The following CSMD3 variants were observed in gnomAD, a reference collection of about 807,000 sequenced individuals.
CSMD3 encodes the protein CUB and sushi domain-containing protein 3.
CSMD3 carries 177 observed loss-of-function variants against 435.2 expected under a neutral mutation model. That is an observed-to-expected ratio of 0.41 (90% CI 0.36 to 0.46). The LOEUF (loss-of-function observed/expected upper bound fraction) is 0.46. Among genes scored for constraint, CSMD3 ranks in the 20% least tolerant of loss-of-function variants. The probability of loss-of-function intolerance (pLI) is 0.34; values close to 1 mark genes in which losing one functional copy is unlikely to be tolerated. For synonymous variants in CSMD3, 1,656 were observed against 1,520.5 expected (o/e 1.09, Z -2.07); for missense variants, 4,265 against 4,504.6 (o/e 0.95, Z 1.52).
intron 5 of CSMD3, among the ~76,000 whole-genome samples, chr8:113,066,983 T>A (rs2088886670): frequency 6.6e-6 from 1 of 152,136 alleles, no homozygotes; most frequent in African/African-American, 2.4e-5. Flanking sequence ...TAAGTAATAT[T>A]AAGAACTAAA....
At chr8:112,752,728 T>A (rs1414142862) in intron 13 of CSMD3, among the ~76,000 whole-genome samples, 1 of 152,170 alleles carries the variant, frequency 6.6e-6, no homozygotes, top group African/African-American at 2.4e-5. Flanking sequence ...ATTTTTTTAG[T>A]CAATATATAT....
intron 9 of CSMD3, among the ~76,000 whole-genome samples, chr8:112,939,013 G>A (rs1054511263): frequency 6.6e-6 from 1 of 152,042 alleles, no homozygotes; most frequent in Non-Finnish European, 1.5e-5. Context: ...TATGATATAT[G>A]TATGTACGTG....
chr8:113,264,449 A>T (rs986322107), intron 3 of CSMD3, among the ~76,000 whole-genome samples: 13 of 151,158 alleles, frequency 8.6e-5, no homozygotes, highest in African/African-American at 2.7e-4. Context: ...AGGATTACAT[A>T]ATAAGTTTGA....
At chr8:112,946,810 T>A (rs187197157) in intron 9 of CSMD3, among the ~76,000 whole-genome samples, 1 of 151,784 alleles carries the variant, frequency 6.6e-6, no homozygotes, top group Non-Finnish European at 1.5e-5. Flanking sequence ...AAAATTACAA[T>A]TGTGTTTGTG....
intron 1 of CSMD3, among the ~76,000 whole-genome samples, chr8:113,426,071 C>T (rs1052551776): frequency 6.6e-6 from 1 of 151,364 alleles, no homozygotes; most frequent in Non-Finnish European, 1.5e-5. Flanking sequence ...GAGTATGTAT[C>T]GTCTCCAAAA....
chr8:113,075,886 A>G (rs1448775194), intron 5 of CSMD3, among the ~76,000 whole-genome samples: 1 of 151,826 alleles, frequency 6.6e-6, no homozygotes, highest in African/African-American at 2.4e-5. Flanking sequence ...AAAATATTCT[A>G]TTGGCAACAT....
chr8:113,231,072 A>G (rs1045401526), intron 3 of CSMD3, among the ~76,000 whole-genome samples: 6 of 151,426 alleles, frequency 4.0e-5, no homozygotes, highest in Non-Finnish European at 3.0e-5. Flanking sequence ...TTCAGAATTC[A>G]TGCAATACTT....
At chr8:112,454,905 C>T (rs1031378292) in intron 32 of CSMD3, among the ~76,000 whole-genome samples, 1 of 152,016 alleles carries the variant, frequency 6.6e-6, no homozygotes, top group Admixed American at 6.6e-5. Flanking sequence ...ATGACCACGA[C>T]TGTGGTCTCA....
rs2130161768 is a variant in CSMD3 at position 113,436,923 on chromosome 8, C to T, written c.-69G>A. On this transcript the variant is annotated 5_prime_UTR_variant, in exon 1 of 71. Coordinates refer to ENST00000297405, the MANE Select transcript of CSMD3 (RefSeq NM_198123.2). ...TGGAGTTGTTGCTGTTGTTGGTGCG[C>T]GGTCACAGCTCGGAGTGAATGGTGT... 2 of 1,557,362 alleles carry T rather than the reference C, an allele frequency of 1.3e-6. No individual in the cohort carries two copies. Among genetic ancestry groups the T allele is most frequent in the East Asian group, 2.2e-5 (1 of 44,606 alleles).
intron 13 of CSMD3, among the ~76,000 whole-genome samples, chr8:112,697,390 T>C (rs560619023): frequency 9.2e-4 from 140 of 152,278 alleles, no homozygotes; most frequent in African/African-American, 3.3e-3. Context: ...TGGAATACTA[T>C]GCAGCCATAA....
chr8:113,371,267 A>C (rs2094344804), intron 1 of CSMD3, among the ~76,000 whole-genome samples: 1 of 152,104 alleles, frequency 6.6e-6, no homozygotes, highest in Admixed American at 6.5e-5. Context: ...ATATTTTTAA[A>C]AAAACATTTA....
intron 27 of CSMD3, among the ~76,000 whole-genome samples, chr8:112,536,086 C>G (rs1225179007): frequency 6.6e-6 from 1 of 152,176 alleles, no homozygotes. Flanking sequence ...AAAACTTAGG[C>G]ATTAGCATTC....
At chr8:112,606,899 T>A (rs544717271) in intron 22 of CSMD3, among the ~76,000 whole-genome samples, 4 of 141,350 alleles carry the variant, frequency 2.8e-5, no homozygotes, top group African/African-American at 1.1e-4. Context: ...AGAGAAGTTT[T>A]CAGTGATAAA....
chr8:112,959,970 C>A (rs1040419551), intron 7 of CSMD3, among the ~76,000 whole-genome samples: 3 of 151,804 alleles, frequency 2.0e-5, no homozygotes, highest in African/African-American at 4.8e-5. Context: ...CTTTTCTATT[C>A]AGTTCTAAGA....
In CSMD3 at chr8:112,952,056, A is replaced by AT. The variant is rs557604203; in HGVS notation, c.1420+2627dup. Among the ~76,000 whole-genome samples the AT allele has an allele frequency of 5.9e-3, 893 of 151,510 alleles. 5 individuals are homozygous for AT. The highest frequency in any genetic ancestry group is 0.019 in the African/African-American group (794 of 41,430). ...TAAAAATATAAAACCTGTTTACTTAATTTTTTTTAAATCTATAGTTTCTTT... is the reference window on the plus strand; with the variant it reads ...TAAAAATATAAAACCTGTTTACTTAATTTTTTTTTAAATCTATAGTTTCTTT... On this transcript the variant is annotated intron_variant, in intron 8 of 70. Transcript: ENST00000297405.
At chr8:112,297,183 T>C (rs1290298297) in intron 53 of CSMD3, among the ~76,000 whole-genome samples, 1 of 111,406 alleles carries the variant, frequency 9.0e-6, no homozygotes, top group South Asian at 2.6e-4. Flanking sequence ...TTTTAGAAAA[T>C]AGAAAAGAAA....
chr8:112,618,418 C>G (rs912753880), intron 22 of CSMD3, among the ~76,000 whole-genome samples: 3 of 152,060 alleles, frequency 2.0e-5, no homozygotes, highest in African/African-American at 7.2e-5. Context: ...AAAGAAGGCA[C>G]AACTTTTTTG....
At chr8:112,611,670 G>A (rs914704384) in intron 22 of CSMD3, among the ~76,000 whole-genome samples, 6 of 152,038 alleles carry the variant, frequency 3.9e-5, no homozygotes, top group African/African-American at 1.2e-4. Context: ...GTACTAGGGT[G>A]GCATTTGTTG....
chr8:112,441,720 G>T (rs1815041148), intron 32 of CSMD3, among the ~76,000 whole-genome samples: 1 of 152,176 alleles, frequency 6.6e-6, no homozygotes, highest in Non-Finnish European at 1.5e-5. Flanking sequence ...AAGAATGAGA[G>T]AAGTTCAGAG....
Sources: gnomAD v4.1 joint callset for allele counts (sites outside exome capture counted in the v4.1 genomes callset) on GRCh38, gnomAD v4.1.1 for gene constraint, MANE v1.5 for transcripts, NCBI Gene and HGNC (gene_info 2026-07-23, HGNC 2026-07-21) for gene names.